Variants in NELL2 observed in about 807,000 individuals in gnomAD.
NELL2 encodes the protein protein kinase C-binding protein NELL2.
In NELL2, 41 loss-of-function variants were observed where a neutral mutation model predicts 109.6. The observed-to-expected ratio is 0.37, with a 90% CI of 0.29 to 0.49. The LOEUF (loss-of-function observed/expected upper bound fraction) is 0.49. Among genes scored for constraint, NELL2 ranks in the 20% least tolerant of loss-of-function variants. NELL2 has a pLI of 0.98. For missense variants in NELL2, 900 were observed against 1,008.3 expected (o/e 0.89, Z 1.45); for synonymous variants, 355 against 344.7 (o/e 1.03, Z -0.33).
chr12:44,760,238 C>T (rs370815932), intron 9 of NELL2, among the ~76,000 whole-genome samples: 7 of 152,144 alleles, frequency 4.6e-5, no homozygotes, highest in Non-Finnish European at 7.4e-5. Flanking sequence ...AGACTTCTTT[C>T]ATTAATATAT....
At chr12:44,777,374 A>G (rs930667210) in intron 5 of NELL2, 60 bp from the exon 6 acceptor site, 12 of 1,351,252 alleles carry the variant, frequency 8.9e-6, no homozygotes, top group Admixed American at 3.4e-5. Context: ...ATTATGTTCA[A>G]TGGTCAAGTT....
In NELL2 at chr12:44,791,224, A is replaced by ATATATATC. The variant is rs1439301860; in HGVS notation, c.336-11203_336-11202insGATATATA. Among the ~76,000 whole-genome samples the ATATATATC allele has an allele frequency of 2.8e-3, 268 of 95,106 alleles. 7 individuals carry two copies. The highest frequency in any genetic ancestry group is 4.7e-3 in the Non-Finnish European group (215 of 45,692). 62.4% of individuals were successfully genotyped at this position (95,106 alleles called of 152,430 possible). A position where few individuals can be genotyped will look rare whatever the true frequency, so the allele number is the denominator to read the frequency against. On this transcript the variant is annotated intron_variant, in intron 3 of 19. Transcript: ENST00000429094. ...TATATATATATATATATATATATAT[A>ATATATATC]TATGATGGAATACTACTCAGCCATA...
intron 1 of NELL2, among the ~76,000 whole-genome samples, chr12:44,895,007 G>C (rs1195546072): frequency 6.6e-6 from 1 of 152,286 alleles, no homozygotes; most frequent in African/African-American, 2.4e-5. Flanking sequence ...CAAGTTGCTT[G>C]TGACTAGCTT....
At chr12:44,894,634 T>C (rs1945573145) in intron 1 of NELL2, among the ~76,000 whole-genome samples, 1 of 152,212 alleles carries the variant, frequency 6.6e-6, no homozygotes, top group Non-Finnish European at 1.5e-5. Context: ...AGGAACTCAA[T>C]GATATGTCTC....
At position 44,882,983 on chromosome 12, in the gene NELL2, G is replaced by A. The variant is rs183631775; in HGVS notation, c.39-7083C>T. On this transcript the variant is annotated intron_variant, in intron 1 of 20. Coordinates refer to the NELL2 transcript ENST00000333837. The stretch of plus-strand genomic sequence containing the variant: ...GGCCTCCCAAGTAACTGAGACTACA[G>A]GCATGTAACAACATGCCCAGACAAT... Among the ~76,000 whole-genome samples, 723 of 150,444 alleles carry A rather than the reference G, an allele frequency of 4.8e-3. 12 individuals carry two copies. The highest frequency in any genetic ancestry group is 0.017 in the African/African-American group (680 of 40,644).
intron 3 of NELL2, 51 bp downstream of exon 3, chr12:44,815,935 C>A: frequency 6.4e-7 from 1 of 1,560,814 alleles, no homozygotes; most frequent in Non-Finnish European, 8.7e-7. Context: ...TTAATATATT[C>A]ATTTAACCAC....
chr12:44,774,970 T>C (rs1941694402), intron 8 of NELL2, 121 bp from the exon 9 acceptor site: 5 of 675,684 alleles, frequency 7.4e-6, no homozygotes, highest in South Asian at 4.1e-5. Context: ...AGGCCATTCA[T>C]TGCCAGGAGG....
intron 15 of NELL2, among the ~76,000 whole-genome samples, chr12:44,605,347 G>A (rs1055241933): frequency 1.3e-5 from 2 of 152,104 alleles, no homozygotes; most frequent in African/African-American, 4.8e-5. Context: ...ACAACACAGA[G>A]GGAAGTTAAG....
intron 2 of NELL2, among the ~76,000 whole-genome samples, chr12:44,865,839 T>G (rs1372799054): frequency 2.5e-5 from 3 of 120,152 alleles, no homozygotes; most frequent in Non-Finnish European, 5.6e-5. Flanking sequence ...AAAAAAAAAG[T>G]TTTAACAAAT....
intron 10 of NELL2, among the ~76,000 whole-genome samples, chr12:44,713,475 T>C (rs1002903278): frequency 3.9e-5 from 6 of 151,916 alleles, no homozygotes; most frequent in Middle Eastern, 3.2e-3. Context: ...TAAAACGGCA[T>C]TGGTGTAGGG....
intron 5 of NELL2, 73 bp from the exon 6 acceptor site, chr12:44,777,387 T>C: frequency 8.3e-7 from 1 of 1,202,838 alleles, no homozygotes; most frequent in Non-Finnish European, 1.2e-6. Flanking sequence ...GTCAAGTTCA[T>C]GAAGGAAAAT....
rs183748420 is a variant in NELL2 at position 44,645,993 on chromosome 12, T to C, written c.1444+19491A>G. ...AGCAATCAATTCACTTTGTCTTTTA[T>C]TAATTTTAGTTGAATGACTAAATAA... On this transcript the variant is annotated intron_variant, in intron 13 of 19. Transcript: ENST00000429094. 8.7e-4 allele frequency among the ~76,000 whole-genome samples: 132 copies of C among 152,284 alleles called. 3 individuals carry two copies. The highest frequency in any genetic ancestry group is 1.3e-3 in the Non-Finnish European group (90 of 68,008).
chr12:44,887,365 C>T lies in NELL2; in HGVS notation c.39-11465G>A, dbSNP rs1373558752. 7.2e-5 allele frequency among the ~76,000 whole-genome samples: 11 copies of T among 151,802 alleles called. 1 individual carries two copies. Among genetic ancestry groups the T allele is most frequent in the Non-Finnish European group, 1.3e-4 (9 of 67,980 alleles). ...CCTCCATACTTTTCTCAAAAGTGGC[C>T]GTAGTAATTTACATTTCCACCAAGA... On this transcript the variant is annotated intron_variant, in intron 1 of 20. Coordinates refer to the NELL2 transcript ENST00000333837.
chr12:44,845,125 T>C (rs866120539), intron 2 of NELL2, among the ~76,000 whole-genome samples: 22 of 152,190 alleles, frequency 1.4e-4, no homozygotes, highest in Admixed American at 3.3e-4. Flanking sequence ...ATTTGAGCAC[T>C]TGTAACTTTA....
At chr12:44,667,948 C>T (rs543419549) in intron 12 of NELL2, among the ~76,000 whole-genome samples, 23 of 152,214 alleles carry the variant, frequency 1.5e-4, no homozygotes, top group African/African-American at 1.9e-4. Context: ...GGCATTGTTC[C>T]GGAAAGGGAG....
chr12:44,857,052 T>A (rs1944704913), intron 2 of NELL2, among the ~76,000 whole-genome samples: 1 of 152,116 alleles, frequency 6.6e-6, no homozygotes, highest in African/African-American at 2.4e-5. Flanking sequence ...GGGTATTGTA[T>A]CAGAGGATAC....
At position 44,893,897 on chromosome 12, in the gene NELL2, G is replaced by A. The variant is rs1458561297; in HGVS notation, c.39-17997C>T. On this transcript the variant is annotated intron_variant, in intron 1 of 20. Coordinates refer to the NELL2 transcript ENST00000333837. ...ATTCTTTTTAAATCCCTAATCCATTGTGAATCAACAGATTAAAGATTTTTA... is the reference window on the plus strand; with the variant it reads ...ATTCTTTTTAAATCCCTAATCCATTATGAATCAACAGATTAAAGATTTTTA... Among the ~76,000 whole-genome samples, 5 of 152,124 alleles carry A rather than the reference G, an allele frequency of 3.3e-5. No homozygotes were observed. The East Asian group carries it at 9.6e-4, about 29-fold the overall frequency.
chr12:44,815,075 C>T (rs1450549), intron 3 of NELL2, among the ~76,000 whole-genome samples: 97,334 of 151,976 alleles, frequency 0.64, 31,673 homozygotes, highest in Non-Finnish European at 0.7. Context: ...AGTGGTGGAC[C>T]TTCCCAGAAC....
At chr12:44,698,188 C>T (rs1169085515) in intron 12 of NELL2, among the ~76,000 whole-genome samples, 3 of 152,134 alleles carry the variant, frequency 2.0e-5, no homozygotes, top group South Asian at 2.1e-4. Flanking sequence ...AAATCTGCAA[C>T]GTCCCTATTT....
Sources: gnomAD v4.1 joint callset for allele counts (sites outside exome capture counted in the v4.1 genomes callset) on GRCh38, gnomAD v4.1.1 for gene constraint, MANE v1.5 for transcripts, NCBI Gene and HGNC (gene_info 2026-07-23, HGNC 2026-07-21) for gene names.